LRPPRC: variants seen among roughly 807,000 people sequenced by gnomAD.
The protein encoded by LRPPRC is leucine rich pentatricopeptide repeat containing.
A neutral mutation model predicts 180.3 loss-of-function variants in LRPPRC; 120 were observed. The ratio of observed to expected loss-of-function variants is 0.67; its 90% CI spans 0.57 to 0.77. The LOEUF (loss-of-function observed/expected upper bound fraction) is 0.77. Among genes scored for constraint, LRPPRC ranks in the 30% least tolerant of loss-of-function variants. The pLI, the probability that LRPPRC is intolerant of heterozygous loss-of-function variation, is 0.00. For synonymous variants in LRPPRC, 723 were observed against 600.0 expected (o/e 1.21, Z -3.00); for missense variants, 2,012 against 1,657.2 (o/e 1.21, Z -3.72).
chr2:43,888,521 T>A lies in LRPPRC; in HGVS notation c.*79A>T. ...TACATAAAGAAAATTTTCATTTATT[T>A]TTCCCTCAGATATACTTCAAAATAA... On this transcript the variant is annotated 3_prime_UTR_variant, in exon 38 of 38. Coordinates refer to ENST00000260665, the MANE Select transcript of LRPPRC (RefSeq NM_133259.4). The A allele has an allele frequency of 1.1e-6, 1 of 922,742 alleles. No individual in the cohort carries two copies. The allele number at this position is 922,742 out of a possible 1,614,324, so 57.2% of individuals were successfully genotyped here. A position where few individuals can be genotyped will look rare whatever the true frequency, so the allele number is the denominator to read the frequency against.
At chr2:43,905,871 A>G (rs1671051603) in intron 30 of LRPPRC, 91 bp from the exon 31 acceptor site, 1 of 872,302 alleles carries the variant, frequency 1.1e-6, no homozygotes, top group East Asian at 2.5e-5. Flanking sequence ...TATAAAAACT[A>G]CTGTTCGTAT....
chr2:43,985,658 T>C (rs531157230), intron 1 of LRPPRC, among the ~76,000 whole-genome samples: 7 of 152,254 alleles, frequency 4.6e-5, no homozygotes, highest in African/African-American at 1.7e-4. Flanking sequence ...TTTCACAGCA[T>C]GACGGCGCAC....
intron 16 of LRPPRC, among the ~76,000 whole-genome samples, chr2:43,948,819 C>T (rs369964555): frequency 6.6e-6 from 1 of 152,086 alleles, no homozygotes; most frequent in Non-Finnish European, 1.5e-5. Flanking sequence ...AGGCCTTACC[C>T]CTTTCCTGTC....
rs1206746124 is a variant in LRPPRC, at chr2:43,888,877, TGTGTATAC to T, written c.4129-229_4129-222del. Among the ~76,000 whole-genome samples the T allele has an allele frequency of 6.6e-5, 10 of 151,536 alleles. 1 individual carries two copies. In the Admixed American group the frequency reaches 6.7e-4, roughly 10 times the overall value. On this transcript the variant is annotated intron_variant, in intron 37 of 37. Coordinates refer to ENST00000260665, the MANE Select transcript of LRPPRC (RefSeq NM_133259.4). The stretch of plus-strand genomic sequence containing the variant: ...CTAGCAGCAGGAGGTAGGGTGCGTG[TGTGTATAC>T]GTGTGTATGTGCAAGCATGTGTGTG...
chr2:43,948,621 G>A (rs922499823), intron 16 of LRPPRC, 103 bp from the exon 17 acceptor site: 5 of 724,458 alleles, frequency 6.9e-6, no homozygotes, highest in South Asian at 1.5e-5. Context: ...ATGTCACCCT[G>A]ATGAGAGGCT....
intron 29 of LRPPRC, among the ~76,000 whole-genome samples, chr2:43,917,141 G>A (rs1671502173): frequency 2.7e-5 from 4 of 148,480 alleles, no homozygotes; most frequent in African/African-American, 5.0e-5. Flanking sequence ...CCCCGGTTCC[G>A]GTGATTCTCC....
intron 13 of LRPPRC, chr2:43,959,204 T>C (rs1434954169): frequency 7.0e-6 from 5 of 716,620 alleles, no homozygotes; most frequent in South Asian, 3.0e-5. Flanking sequence ...TGTTTTCTTC[T>C]TGTCAGATTG....
intron 11 of LRPPRC, among the ~76,000 whole-genome samples, chr2:43,966,400 G>A (rs963422110): frequency 2.0e-5 from 3 of 148,010 alleles, no homozygotes; most frequent in Non-Finnish European, 4.5e-5. Flanking sequence ...GATCTCAAGT[G>A]TTCTGGCCAC....
intron 13 of LRPPRC, chr2:43,958,871 C>G (rs1673227294): frequency 1.3e-5 from 3 of 229,084 alleles, no homozygotes; most frequent in Non-Finnish European, 2.5e-5. Flanking sequence ...GGGGAAGGCA[C>G]TGACAGGAAA....
chr2:43,974,828 A>T (rs1407590737), intron 7 of LRPPRC, 70 bp from the exon 8 acceptor site: 1 of 1,485,352 alleles, frequency 6.7e-7, no homozygotes, highest in East Asian at 2.3e-5. Flanking sequence ...GCTAAATAAA[A>T]TATCCAGATT....
At chr2:43,974,453 A>G (rs572638052) in intron 8 of LRPPRC, among the ~76,000 whole-genome samples, 158 bp from the exon 9 acceptor site, 1 of 152,190 alleles carries the variant, frequency 6.6e-6, no homozygotes, top group Non-Finnish European at 1.5e-5. Flanking sequence ...AATCATCCCC[A>G]TGTGTTCATT....
chr2:43,994,389 A>ATAT (rs1416021778), intron 1 of LRPPRC, among the ~76,000 whole-genome samples: 1 of 152,216 alleles, frequency 6.6e-6, no homozygotes, highest in African/African-American at 2.4e-5. Context: ...AACCGTAGAT[A>ATAT]TTATGACTCC....
chr2:43,908,663 A>G (rs925192839), intron 30 of LRPPRC, among the ~76,000 whole-genome samples: 1 of 151,858 alleles, frequency 6.6e-6, no homozygotes, highest in African/African-American at 2.4e-5. Flanking sequence ...CTGGAATTAC[A>G]TACAGGCACG....
chr2:43,908,480 G>C (rs1276328261), intron 30 of LRPPRC, among the ~76,000 whole-genome samples: 1 of 152,046 alleles, frequency 6.6e-6, no homozygotes, highest in Non-Finnish European at 1.5e-5. Context: ...TAACACATTA[G>C]ATGACAACAA....
chr2:43,941,655 G>T (rs1370287146), intron 23 of LRPPRC, among the ~76,000 whole-genome samples: 1 of 151,692 alleles, frequency 6.6e-6, no homozygotes, highest in Non-Finnish European at 1.5e-5. Context: ...TCAAAGTCAG[G>T]GTTTTACTCC....
At chr2:43,966,770 G>A (rs958419127) in intron 11 of LRPPRC, among the ~76,000 whole-genome samples, 2 of 150,788 alleles carry the variant, frequency 1.3e-5, no homozygotes, top group Non-Finnish European at 3.0e-5. Flanking sequence ...ATAAATAAAA[G>A]CCCAGCACGG....
chr2:43,975,152 T>G lies in LRPPRC; in HGVS notation c.803A>C (p.Asp268Ala), dbSNP rs143290138. 7.1e-5 allele frequency: 115 copies of G among 1,613,468 alleles called. No homozygotes were observed. The highest frequency in any genetic ancestry group is 8.9e-5 in the Non-Finnish European group (105 of 1,179,694). The change falls in exon 7 of 38, where the codon GAC becomes GCC. Residue 268 changes from aspartate (D) to alanine (A), a missense_variant. By Grantham distance (126) the Asp-to-Ala change is moderately radical (BLOSUM62 -2). Transcript: ENST00000260665. The part of the protein sequence containing the change: ...MRDAGIEPGP[D>A]TYLALLNAYA... ...TGCATTCAATAATGCGAGGTATGTG[T>G]CTGGACCAGGCTCAATTCCGGCATC...
At chr2:43,901,546 T>C (rs748162767) in intron 31 of LRPPRC, 22 bp from the exon 32 acceptor site, 3 of 1,524,520 alleles carry the variant, frequency 2.0e-6, no homozygotes, top group Non-Finnish European at 9.1e-7. Flanking sequence ...GAGCAGGAGA[T>C]GGCTTTTCTT....
upstream of LRPPRC, among the ~76,000 whole-genome samples, chr2:43,996,218 G>C (rs970011172): frequency 2.6e-5 from 4 of 152,116 alleles, no homozygotes; most frequent in African/African-American, 9.7e-5. Flanking sequence ...GTGTTCATTC[G>C]CTGCACCCCT....
Sources: allele counts gnomAD v4.1 joint callset (sites outside exome capture counted in the v4.1 genomes callset), GRCh38; gene constraint gnomAD v4.1.1; transcripts MANE v1.5; gene names NCBI Gene and HGNC (gene_info 2026-07-23, HGNC 2026-07-21).